The following RANBP2 variants were observed in gnomAD, a reference collection of about 807,000 sequenced individuals.
RANBP2 encodes RAN binding protein 2.
A neutral mutation model predicts 303.6 loss-of-function variants in RANBP2; 57 were observed. The ratio of observed to expected loss-of-function variants is 0.19; its 90% confidence interval spans 0.15 to 0.23. The LOEUF is 0.23. Ranked by LOEUF, RANBP2 falls within the 10% of genes least tolerant of loss-of-function variation. The probability of loss-of-function intolerance (pLI) is 1.00; values close to 1 mark genes in which losing one functional copy is unlikely to be tolerated. For missense variants in RANBP2, 3,138 were observed against 3,780.8 expected, an observed-to-expected ratio of 0.83 and a Z score of 4.46; for synonymous variants, 1,167 against 1,301.5, an observed-to-expected ratio of 0.90 and a Z score of 2.23.
At chr2:109,324,919 T>A in the RANBP2 span, among the ~76,000 whole-genome samples, 11 of 152,260 alleles carry the variant, frequency 7.2e-5, no homozygotes, top group South Asian at 1.9e-3. Context: ...CCAAACCCTC[T>A]CCTCTTGCCA....
the RANBP2 span, among the ~76,000 whole-genome samples, chr2:108,795,150 A>T: frequency 4.2e-3 from 357 of 84,876 alleles, no homozygotes; most frequent in Admixed American, 8.4e-3. Context: ...TCTAAAGTGT[A>T]TTTTTTTTTT....
the RANBP2 span, among the ~76,000 whole-genome samples, chr2:109,312,547 G>T: frequency 6.6e-6 from 1 of 152,034 alleles, no homozygotes. Context: ...CCTTCTTCCT[G>T]GCCCCAGGCC....
rs900434351 is a variant in RANBP2 at position 108,728,832 on chromosome 2, C to T, written c.73-300C>T. Among the ~76,000 whole-genome samples, 9 of 152,186 alleles carry T rather than the reference C, an allele frequency of 5.9e-5. 1 individual carries two copies. Among genetic ancestry groups the T allele is most frequent in the South Asian group, 2.1e-4 (1 of 4,830 alleles). On this transcript the variant is annotated intron_variant, in intron 1 of 28. Transcript: ENST00000283195. ...GCTAATTTTTGTATTTTTGTCAAGA[C>T]GGGGTTTCACCATGTTAGCCAGGCT...
At chr2:108,888,379 T>A in the RANBP2 span, among the ~76,000 whole-genome samples, 1 of 152,292 alleles carries the variant, frequency 6.6e-6, no homozygotes, top group East Asian at 1.9e-4. Context: ...AATGCTGGCT[T>A]CATAGAATAA....
the RANBP2 span, among the ~76,000 whole-genome samples, chr2:109,537,079 A>C: frequency 6.6e-6 from 1 of 152,196 alleles, no homozygotes; most frequent in Non-Finnish European, 1.5e-5. Context: ...ACTTCCAGTA[A>C]AATGCTGAAT....
At chr2:108,775,704 A>G (rs768977284) in intron 23 of RANBP2, 28 bp from the exon 24 acceptor site, 5 of 1,610,432 alleles carry the variant, frequency 3.1e-6, no homozygotes, top group African/African-American at 1.3e-5. Context: ...TTTAAGTGGC[A>G]TAGTATTTTG....
chr2:109,384,814 GCAGAA>G, the RANBP2 span, among the ~76,000 whole-genome samples: 4 of 152,202 alleles, frequency 2.6e-5, no homozygotes, highest in African/African-American at 9.6e-5. Context: ...GGGGATGTGG[GCAGAA>G]GGCCTCAGGG....
chr2:109,644,454 C>T, the RANBP2 span, among the ~76,000 whole-genome samples: 1 of 152,190 alleles, frequency 6.6e-6, no homozygotes, highest in Admixed American at 6.5e-5. Flanking sequence ...TATTGAAAAC[C>T]ATGGCCTCTT....
the RANBP2 span, among the ~76,000 whole-genome samples, chr2:109,598,767 G>A: frequency 2.6e-5 from 4 of 151,984 alleles, no homozygotes; most frequent in Non-Finnish European, 1.5e-5. Flanking sequence ...TTGCTCATTT[G>A]TTCCATTTAC....
chr2:108,831,261 G>C, the RANBP2 span, among the ~76,000 whole-genome samples: 1 of 152,130 alleles, frequency 6.6e-6, no homozygotes, highest in Non-Finnish European at 1.5e-5. Context: ...AAATACACCT[G>C]ATGATCTTAA....
the RANBP2 span, among the ~76,000 whole-genome samples, chr2:109,034,484 C>T: frequency 6.6e-6 from 1 of 152,152 alleles, no homozygotes; most frequent in Admixed American, 6.5e-5. Context: ...AGCTGAGGGG[C>T]TATGGCAAGA....
chr2:109,624,188 C>A, the RANBP2 span, among the ~76,000 whole-genome samples: 2 of 152,194 alleles, frequency 1.3e-5, no homozygotes, highest in Non-Finnish European at 2.9e-5. Flanking sequence ...TCAGGTGGTG[C>A]TCCAGGGAGG....
At chr2:109,040,863 A>C in the RANBP2 span, among the ~76,000 whole-genome samples, 2 of 151,996 alleles carry the variant, frequency 1.3e-5, no homozygotes, top group Non-Finnish European at 2.9e-5. Context: ...AGACCATCCT[A>C]GCTAACACAG....
At chr2:109,030,055 C>A in the RANBP2 span, among the ~76,000 whole-genome samples, 2 of 152,168 alleles carry the variant, frequency 1.3e-5, no homozygotes, top group Non-Finnish European at 2.9e-5. Flanking sequence ...TTACTGCCTC[C>A]TTGACATCAT....
At chr2:109,434,352 A>T in the RANBP2 span, among the ~76,000 whole-genome samples, 2 of 152,238 alleles carry the variant, frequency 1.3e-5, no homozygotes, top group African/African-American at 4.8e-5. Flanking sequence ...TCGGCTTCCC[A>T]GTTTCCAGTT....
At chr2:109,263,791 G>A in the RANBP2 span, among the ~76,000 whole-genome samples, 1 of 152,098 alleles carries the variant, frequency 6.6e-6, no homozygotes, top group Non-Finnish European at 1.5e-5. Flanking sequence ...ACTGTGAAAT[G>A]CCGTCTCTAC....
At chr2:109,236,319 T>C in the RANBP2 span, among the ~76,000 whole-genome samples, 1 of 152,130 alleles carries the variant, frequency 6.6e-6, no homozygotes, top group Non-Finnish European at 1.5e-5. Context: ...AGGGGAATAA[T>C]GAGCAATGCC....
chr2:109,029,987 C>G, the RANBP2 span, among the ~76,000 whole-genome samples: 6 of 152,210 alleles, frequency 3.9e-5, no homozygotes, highest in African/African-American at 1.2e-4. Context: ...TTGATTGATT[C>G]ATTCATTCAG....
At chr2:109,473,823 C>T in the RANBP2 span, among the ~76,000 whole-genome samples, 1 of 151,972 alleles carries the variant, frequency 6.6e-6, no homozygotes, top group East Asian at 2.0e-4. Context: ...ACCTTAGCCG[C>T]AGGCTGTCTC....
Sources: allele counts gnomAD v4.1 joint callset (sites outside exome capture counted in the v4.1 genomes callset), GRCh38; gene constraint gnomAD v4.1.1; transcripts MANE v1.5; gene names NCBI Gene and HGNC (gene_info 2026-07-23, HGNC 2026-07-21).